Variants in LGSN observed in about 807,000 individuals in gnomAD.
LGSN encodes the protein lengsin.
LGSN carries 21 observed loss-of-function variants against 19.5 expected under a neutral mutation model. The observed-to-expected ratio is 1.07, with a 90% CI of 0.76 to 1.55. The LOEUF (loss-of-function observed/expected upper bound fraction) is 1.55. LGSN is among the 40% of genes most tolerant of loss of function. LGSN has a pLI of 0.00. For synonymous variants in LGSN, 257 were observed against 215.6 expected, an observed-to-expected ratio of 1.19 and a Z score of -1.68; for missense variants, 673 against 608.5, an observed-to-expected ratio of 1.11 and a Z score of -1.12.
At chr6:63,412,886 G>GAT in the LGSN span, among the ~76,000 whole-genome samples, 2 of 135,258 alleles carry the variant, frequency 1.5e-5, no homozygotes, top group African/African-American at 6.5e-5. Flanking sequence ...GAAAGAAAGA[G>GAT]GGAGAGAAAG....
At chr6:63,394,797 C>G in the LGSN span, among the ~76,000 whole-genome samples, 1 of 152,216 alleles carries the variant, frequency 6.6e-6, no homozygotes, top group Non-Finnish European at 1.5e-5. Flanking sequence ...CCCAGGACTG[C>G]CGGGTGCTGG....
upstream of LGSN, among the ~76,000 whole-genome samples, chr6:63,323,835 G>T (rs151224253): frequency 2.7e-3 from 407 of 148,704 alleles, 3 homozygotes; most frequent in African/African-American, 9.5e-3. Context: ...GCAGTGGTGC[G>T]ATCTGGGCTC....
At chr6:63,488,525 C>T in the LGSN span, among the ~76,000 whole-genome samples, 2 of 152,178 alleles carry the variant, frequency 1.3e-5, no homozygotes, top group Admixed American at 6.6e-5. Context: ...TTCATCTCTT[C>T]ATTTTCTTTG....
the LGSN span, chr6:63,441,454 G>A: frequency 2.2e-6 from 1 of 448,740 alleles, no homozygotes; most frequent in Non-Finnish European, 4.4e-6. Context: ...CAAGGTGGCA[G>A]GTGATTGCTT....
the LGSN span, among the ~76,000 whole-genome samples, chr6:63,364,426 A>T: frequency 6.6e-6 from 1 of 152,202 alleles, no homozygotes; most frequent in Admixed American, 6.5e-5. Context: ...GAGCAACCAG[A>T]TTCATAAAGC....
chr6:63,328,055 G>C, the LGSN span, among the ~76,000 whole-genome samples: 1 of 152,232 alleles, frequency 6.6e-6, no homozygotes, highest in South Asian at 2.1e-4. Flanking sequence ...CTTGCTATCT[G>C]TATACACATT....
At chr6:63,532,772 G>A in the LGSN span, among the ~76,000 whole-genome samples, 1 of 152,042 alleles carries the variant, frequency 6.6e-6, no homozygotes, top group African/African-American at 2.4e-5. Context: ...TGTTCAATCA[G>A]TATCTAGGCC....
chr6:63,290,350 G>C, intron 2 of LGSN, among the ~76,000 whole-genome samples: 1 of 152,170 alleles, frequency 6.6e-6, no homozygotes, highest in East Asian at 1.9e-4. Flanking sequence ...CAGATTTCTG[G>C]CTTAAGACAA....
the LGSN span, among the ~76,000 whole-genome samples, chr6:63,480,960 TATATATATATATATATATATATATATAC>T: frequency 3.5e-4 from 10 of 28,216 alleles, no homozygotes; most frequent in African/African-American, 1.1e-3. Context: ...TATATATATA[TATATATATATATATATATATATATATAC>T]ACACACACAT....
At chr6:63,316,784 G>A (rs1489604601) in intron 1 of LGSN, among the ~76,000 whole-genome samples, 1 of 151,794 alleles carries the variant, frequency 6.6e-6, no homozygotes. Context: ...ATATATTTAT[G>A]ATAATGGGCT....
At chr6:63,527,373 T>G in the LGSN span, among the ~76,000 whole-genome samples, 1 of 152,286 alleles carries the variant, frequency 6.6e-6, no homozygotes, top group South Asian at 2.1e-4. Context: ...AGACCTTGCA[T>G]AGAATATTGA....
the LGSN span, among the ~76,000 whole-genome samples, chr6:63,364,811 C>T: frequency 6.6e-6 from 1 of 152,176 alleles, no homozygotes; most frequent in East Asian, 1.9e-4. Context: ...TACATGGAAA[C>T]TGAACAACCT....
At chr6:63,567,612 C>T in the LGSN span, among the ~76,000 whole-genome samples, 2 of 152,128 alleles carry the variant, frequency 1.3e-5, no homozygotes, top group Non-Finnish European at 2.9e-5. Context: ...TTTAAGGGTC[C>T]TAGGATTTTC....
At chr6:63,387,204 A>T in the LGSN span, among the ~76,000 whole-genome samples, 4 of 152,196 alleles carry the variant, frequency 2.6e-5, no homozygotes, top group African/African-American at 9.6e-5. Flanking sequence ...TTAAAGGTGA[A>T]TCACTCACTA....
At chr6:63,518,858 C>T in the LGSN span, among the ~76,000 whole-genome samples, 4 of 152,100 alleles carry the variant, frequency 2.6e-5, no homozygotes, top group African/African-American at 7.2e-5. Flanking sequence ...GAAAAGGTAA[C>T]TCTTGAAGAC....
intron 3 of LGSN, among the ~76,000 whole-genome samples, chr6:63,283,858 C>A (rs1767419812): frequency 6.6e-6 from 1 of 151,998 alleles, no homozygotes; most frequent in Admixed American, 6.5e-5. Context: ...TGCCACCAGG[C>A]CCAGCTAATT....
chr6:63,353,641 A>G, the LGSN span, among the ~76,000 whole-genome samples: 27 of 152,126 alleles, frequency 1.8e-4, no homozygotes, highest in East Asian at 5.2e-3. Context: ...AATTGAAAAA[A>G]CAATCTCAAA....
chr6:63,374,669 C>T, the LGSN span, among the ~76,000 whole-genome samples: 1 of 152,138 alleles, frequency 6.6e-6, no homozygotes, highest in Non-Finnish European at 1.5e-5. Context: ...AAAGTGTTGT[C>T]TTATGGTTTT....
the LGSN span, among the ~76,000 whole-genome samples, chr6:63,403,836 G>A: frequency 6.6e-6 from 1 of 152,032 alleles, no homozygotes; most frequent in Non-Finnish European, 1.5e-5. Flanking sequence ...TCATCCTTAG[G>A]TGTGAGCATG....
Sources: allele counts gnomAD v4.1 joint callset (sites outside exome capture counted in the v4.1 genomes callset), GRCh38; gene constraint gnomAD v4.1.1; transcripts MANE v1.5; gene names NCBI Gene and HGNC (gene_info 2026-07-23, HGNC 2026-07-21).